Variants in CAMTA1 observed in about 807,000 individuals in gnomAD.
CAMTA1 encodes the protein calmodulin-binding transcription activator 1.
A neutral mutation model predicts 170.9 loss-of-function variants in CAMTA1; 27 were observed. The observed-to-expected ratio is 0.16, with a 90% confidence interval of 0.12 to 0.22. The LOEUF is 0.22. CAMTA1 is among the 10% of genes least tolerant of loss of function. The pLI, the probability that CAMTA1 is intolerant of heterozygous loss-of-function variation, is 1.00. For missense variants in CAMTA1, 1,619 were observed against 2,217.2 expected, an observed-to-expected ratio of 0.73 and a Z score of 5.42; for synonymous variants, 833 against 891.5, an observed-to-expected ratio of 0.93 and a Z score of 1.17.
At chr1:7,677,783 C>G in intron 11 of CAMTA1, 50 bp downstream of exon 11, 1 of 1,577,648 alleles carries the variant, frequency 6.3e-7, no homozygotes, top group Non-Finnish European at 8.6e-7. Flanking sequence ...GAGAGGGATG[C>G]TTGGGGACTC....
intron 3 of CAMTA1, among the ~76,000 whole-genome samples, chr1:7,027,512 C>T (rs927085646): frequency 6.6e-6 from 1 of 152,164 alleles, no homozygotes; most frequent in Non-Finnish European, 1.5e-5. Flanking sequence ...TCACTTGGGT[C>T]CACATTTTCA....
In CAMTA1 at chr1:7,463,556, A is replaced by C. The variant is rs992514103; in HGVS notation, c.439-4274A>C. Among the ~76,000 whole-genome samples, 1 of 152,126 alleles carries C rather than the reference A, an allele frequency of 6.6e-6. No homozygotes were observed. The highest frequency in any genetic ancestry group is 1.5e-5 in the Non-Finnish European group (1 of 68,012). On this transcript the variant is annotated intron_variant, in intron 5 of 22. Transcript: ENST00000303635. This position sits in a 1 kb window ranked among gnomAD's most constrained non-coding sequence, Gnocchi z 4.7. ...ACAGGGAGAGACAGAGAGAGAAAGA[A>C]GATGAGACAGATACAGAGATAGAGA...
rs191464394 is a variant in CAMTA1, at chr1:7,302,417, C to T, written c.438+52791C>T. 3.3e-5 allele frequency among the ~76,000 whole-genome samples: 5 copies of T among 152,280 alleles called. No homozygotes were observed. In the East Asian group the frequency reaches 5.8e-4, roughly 18 times the overall value. Reference sequence around the variant, plus strand: ...CTGTCTTTTCATCCCCTGTTTTATGCATGTGGCATTCTGTTCCAGGCCAGA... The same window carrying T: ...CTGTCTTTTCATCCCCTGTTTTATGTATGTGGCATTCTGTTCCAGGCCAGA... On this transcript the variant is annotated intron_variant, in intron 5 of 22. Coordinates refer to ENST00000303635, the MANE Select transcript of CAMTA1 (RefSeq NM_015215.4).
chr1:7,030,960 G>A (rs960393137), intron 3 of CAMTA1, among the ~76,000 whole-genome samples: 9 of 149,552 alleles, frequency 6.0e-5, no homozygotes, highest in African/African-American at 2.0e-4. Context: ...TCAGCCTCCC[G>A]AGTAGCTGGG....
At chr1:6,834,726 C>G (rs1272007381) in intron 3 of CAMTA1, 1 of 154,118 alleles carries the variant, frequency 6.5e-6, no homozygotes, top group East Asian at 1.9e-4. Context: ...CAGCCTCGAC[C>G]TTCCGGGCTC....
chr1:7,518,485 TC>T (rs566965124), intron 6 of CAMTA1, among the ~76,000 whole-genome samples: 17 of 151,614 alleles, frequency 1.1e-4, no homozygotes, highest in Non-Finnish European at 2.1e-4. Flanking sequence ...GCCCCTGAAG[TC>T]CCCCCACGGG....
chr1:7,343,745 C>G (rs186340652), intron 5 of CAMTA1, among the ~76,000 whole-genome samples: 5 of 152,164 alleles, frequency 3.3e-5, no homozygotes, highest in African/African-American at 1.2e-4. Flanking sequence ...TAAATACTAC[C>G]TTGTTTACTT....
At chr1:6,873,168 C>T (rs1668874910) in intron 3 of CAMTA1, among the ~76,000 whole-genome samples, 1 of 151,938 alleles carries the variant, frequency 6.6e-6, no homozygotes, top group Admixed American at 6.6e-5. Context: ...ATAGGTAAAC[C>T]ATCCTATGAT....
intron 22 of CAMTA1, among the ~76,000 whole-genome samples, chr1:7,763,098 T>G (rs1199315180): frequency 6.6e-6 from 1 of 152,256 alleles, no homozygotes; most frequent in Admixed American, 6.5e-5. Context: ...ATTAACTGTG[T>G]GAATTGGGGC....
At chr1:7,734,039 C>T (rs375914931) in intron 12 of CAMTA1, among the ~76,000 whole-genome samples, 6 of 152,170 alleles carry the variant, frequency 3.9e-5, no homozygotes, top group Admixed American at 1.3e-4. Context: ...CCTCCGCCTC[C>T]GAGGTTCAAG....
intron 5 of CAMTA1, among the ~76,000 whole-genome samples, chr1:7,440,570 G>GACGC (rs900644178): frequency 6.6e-6 from 1 of 152,206 alleles, no homozygotes; most frequent in Non-Finnish European, 1.5e-5. Flanking sequence ...AACAGCATGA[G>GACGC]ACGCACTCCT....
At chr1:6,853,479 A>G (rs1472346839) in intron 3 of CAMTA1, among the ~76,000 whole-genome samples, 2 of 152,220 alleles carry the variant, frequency 1.3e-5, no homozygotes, top group Non-Finnish European at 2.9e-5. Context: ...CAGTAGTAGT[A>G]GTAAAACTTG....
At position 6,971,071 on chromosome 1, in the gene CAMTA1, C is replaced by T. The variant is rs1026336153; in HGVS notation, c.235-120233C>T. Among the ~76,000 whole-genome samples the T allele has an allele frequency of 2.0e-5, 3 of 152,194 alleles. No individual in the cohort carries two copies. Among genetic ancestry groups the T allele is most frequent in the Non-Finnish European group, 4.4e-5 (3 of 68,036 alleles). On this transcript the variant is annotated intron_variant, in intron 3 of 22. Transcript: ENST00000303635. This position sits in a 1 kb window ranked among gnomAD's most constrained non-coding sequence, Gnocchi z 4.6. ...CCCTCTTCTTTCCAAAGGGGCTTGG[C>T]TTTCTGTCACCCAGCAGCCAGCTCC...
At chr1:7,414,097 G>A (rs1032950517) in intron 5 of CAMTA1, among the ~76,000 whole-genome samples, 1 of 152,194 alleles carries the variant, frequency 6.6e-6, no homozygotes, top group Non-Finnish European at 1.5e-5. Context: ...TTGCATCCCA[G>A]GGATGAAGCC....
chr1:7,016,992 C>G (rs1008230570), intron 3 of CAMTA1, among the ~76,000 whole-genome samples: 3 of 152,198 alleles, frequency 2.0e-5, no homozygotes, highest in Admixed American at 2.0e-4. Context: ...GTCTCTTTTT[C>G]TGGTAAGTAT....
intron 6 of CAMTA1, among the ~76,000 whole-genome samples, chr1:7,535,554 C>T (rs985900850): frequency 6.6e-6 from 1 of 152,240 alleles, no homozygotes; most frequent in Non-Finnish European, 1.5e-5. Context: ...AGTGCAGCTT[C>T]TGTACCCGGG....
At chr1:7,648,539 G>A (rs2095825739) in intron 7 of CAMTA1, among the ~76,000 whole-genome samples, 1 of 152,208 alleles carries the variant, frequency 6.6e-6, no homozygotes, top group African/African-American at 2.4e-5. Flanking sequence ...TTTCTGGCCA[G>A]CAGTGTTCAC....
intron 5 of CAMTA1, among the ~76,000 whole-genome samples, chr1:7,264,497 G>A (rs1668618258): frequency 6.6e-6 from 1 of 152,144 alleles, no homozygotes; most frequent in Non-Finnish European, 1.5e-5. Context: ...GTGTGCAAAA[G>A]GAAAGCCACG....
At chr1:7,712,396 C>T (rs942342903) in intron 11 of CAMTA1, among the ~76,000 whole-genome samples, 3 of 152,032 alleles carry the variant, frequency 2.0e-5, no homozygotes, top group Admixed American at 2.0e-4. Flanking sequence ...TCTCGGCTCA[C>T]TGCAACTCCC....
Sources: gnomAD v4.1 joint callset for allele counts (sites outside exome capture counted in the v4.1 genomes callset) on GRCh38, gnomAD v4.1.1 for gene constraint, Gnocchi (gnomAD v3.1) non-coding constraint, MANE v1.5 for transcripts, NCBI Gene and HGNC (gene_info 2026-07-23, HGNC 2026-07-21) for gene names.